GNAI1: variants seen among roughly 807,000 people sequenced by gnomAD.
GNAI1 encodes the protein G protein subunit alpha i1.
Under a neutral mutation model 38.9 loss-of-function variants are expected in GNAI1, and 11 were observed. That is an observed-to-expected ratio of 0.28 (90% CI 0.18 to 0.47). The LOEUF (loss-of-function observed/expected upper bound fraction) is 0.47. Among genes scored for constraint, GNAI1 ranks in the 20% least tolerant of loss-of-function variants. The pLI is 0.99. For missense variants in GNAI1, 317 were observed against 436.9 expected, an observed-to-expected ratio of 0.73 and a Z score of 2.45; for synonymous variants, 166 against 145.1, an observed-to-expected ratio of 1.14 and a Z score of -1.04.
chr7:80,160,013 A>G (rs573730255), intron 1 of GNAI1, among the ~76,000 whole-genome samples: 1 of 152,288 alleles, frequency 6.6e-6, no homozygotes, highest in Admixed American at 6.5e-5. Context: ...CTTATTAACT[A>G]TCAGTAAATA....
At chr7:80,214,017 T>C (rs1788917785) in intron 7 of GNAI1, among the ~76,000 whole-genome samples, 1 of 152,114 alleles carries the variant, frequency 6.6e-6, no homozygotes, top group South Asian at 2.1e-4. Context: ...ATACCGGGGC[T>C]TCCTGAAGCC....
Position 80,135,035 on chromosome 7 carries a change from T to G in GNAI1, c.-126T>G. The G allele has an allele frequency of 2.1e-6, 1 of 484,776 alleles. No homozygotes were observed. The highest frequency in any genetic ancestry group is 2.0e-5 in the African/African-American group (1 of 49,760). 30.0% of individuals were successfully genotyped at this position (484,776 alleles called of 1,614,324 possible). On this transcript the variant is annotated 5_prime_UTR_variant, in exon 1 of 8. Coordinates refer to ENST00000649796, the MANE Select transcript of GNAI1 (RefSeq NM_002069.6). ...TCCCTCGACTCCGCTTAGGAAGTGG[T>G]GGGGGCGGCGTGGCCCCCGTCGGGA...
At position 80,199,324 on chromosome 7, in the gene GNAI1, G is replaced by A. The variant is rs771688081; in HGVS notation, c.403G>A (p.Gly135Ser). ...TATAAAGAGATTGTGGAAAGATAGT[G>A]GTGTACAAGCCTGTTTCAACAGATC... ...GVIKRLWKDS[G>S]VQACFNRSRE... The change falls in exon 4 of 8, where the codon GGT (glycine) becomes AGT (serine). Residue 135 changes from glycine to serine, a missense_variant. Physicochemically the swap from Gly to Ser is moderately conservative, Grantham distance 56 (BLOSUM62 0). Coordinates refer to ENST00000649796, the MANE Select transcript of GNAI1 (RefSeq NM_002069.6). 1.2e-6 allele frequency: 2 copies of A among 1,612,692 alleles called. No individual in the cohort carries two copies. The highest frequency in any genetic ancestry group is 1.7e-6 in the Non-Finnish European group (2 of 1,179,080).
At chr7:80,171,447 T>A (rs909164508) in intron 1 of GNAI1, among the ~76,000 whole-genome samples, 2 of 152,202 alleles carry the variant, frequency 1.3e-5, no homozygotes, top group African/African-American at 2.4e-5. Flanking sequence ...AAGGCTTGTC[T>A]TTTATTGATC....
intron 1 of GNAI1, among the ~76,000 whole-genome samples, chr7:80,152,661 T>C (rs537843829): frequency 3.4e-4 from 51 of 150,334 alleles, no homozygotes; most frequent in East Asian, 1.0e-3. Context: ...TCCGGGTTCA[T>C]GCCATTCTCC....
rs2115750484 is a variant in GNAI1 at position 80,225,006 on chromosome 7, C to G, written c.*7513C>G. ...TCTATTTGCATTGCATGGAAATGTT[C>G]CCAAGTTTTAGAGAAACACATACAA... is the stretch of plus-strand genomic sequence containing the variant. On this transcript the variant is annotated 3_prime_UTR_variant, in exon 8 of 8. Transcript: ENST00000649796. 6.6e-6 allele frequency among the ~76,000 whole-genome samples: 1 copy of G among 150,954 alleles called. No homozygotes were observed. Among genetic ancestry groups the G allele is most frequent in the Non-Finnish European group, 1.5e-5 (1 of 67,722 alleles).
chr7:80,166,765 G>A (rs905483866), intron 1 of GNAI1, among the ~76,000 whole-genome samples: 3 of 152,036 alleles, frequency 2.0e-5, no homozygotes, highest in African/African-American at 7.2e-5. Context: ...TCATAGATTG[G>A]GGATGAAATG....
At chr7:80,181,874 A>AT (rs1363312824) in intron 1 of GNAI1, among the ~76,000 whole-genome samples, 13 of 152,074 alleles carry the variant, frequency 8.5e-5, no homozygotes, top group Admixed American at 8.5e-4. Flanking sequence ...CATACATACC[A>AT]TTTTTTGTGG....
At chr7:80,191,205 C>G (rs1192305108) in intron 3 of GNAI1, among the ~76,000 whole-genome samples, 4 of 152,062 alleles carry the variant, frequency 2.6e-5, no homozygotes, top group African/African-American at 7.2e-5. Context: ...TGTTACCTAT[C>G]TTTACGTAAG....
intron 1 of GNAI1, chr7:80,187,211 G>GTGTA (rs1188418623): frequency 8.1e-5 from 2 of 24,812 alleles, no homozygotes; most frequent in African/African-American, 2.6e-4. Context: ...GTGTGTCTTT[G>GTGTA]TGTGTGTGTG....
chr7:80,178,943 C>T (rs1373559619), intron 1 of GNAI1, among the ~76,000 whole-genome samples: 1 of 152,100 alleles, frequency 6.6e-6, no homozygotes, highest in Non-Finnish European at 1.5e-5. Flanking sequence ...TTGAATGATC[C>T]ACCCTTTTCT....
chr7:80,216,707 T>C (rs1200241875), intron 7 of GNAI1, among the ~76,000 whole-genome samples: 1 of 152,138 alleles, frequency 6.6e-6, no homozygotes, highest in Non-Finnish European at 1.5e-5. Flanking sequence ...TGCCAAACAA[T>C]TTCTGGAGTG....
chr7:80,220,791 C>T lies in GNAI1; in HGVS notation c.*3298C>T, dbSNP rs1789058891. Among the ~76,000 whole-genome samples the T allele has an allele frequency of 6.6e-6, 1 of 152,156 alleles. No homozygotes were observed. Among genetic ancestry groups the T allele is most frequent in the Admixed American group, 6.5e-5 (1 of 15,274 alleles). ...CCAGATGAAGGTTTTAAACCTAGAGCTTCTGACTCCATGTCTGTCAGAGGA... is the reference window on the plus strand; with the variant it reads ...CCAGATGAAGGTTTTAAACCTAGAGTTTCTGACTCCATGTCTGTCAGAGGA... On this transcript the variant is annotated 3_prime_UTR_variant, in exon 8 of 8. Transcript: ENST00000649796.
intron 1 of GNAI1, among the ~76,000 whole-genome samples, chr7:80,170,322 T>C (rs553253408): frequency 6.6e-6 from 1 of 152,308 alleles, no homozygotes; most frequent in Admixed American, 6.5e-5. Flanking sequence ...ACCTTTTTAT[T>C]ATGGCCATCC....
At position 80,199,332 on chromosome 7, in the gene GNAI1, A is replaced by G. The variant is rs1788639028; in HGVS notation, c.411A>G (p.Gln137=). 6.2e-7 allele frequency: 1 copy of G among 1,612,934 alleles called. No homozygotes were observed. Among genetic ancestry groups the G allele is most frequent in the African/African-American group, 1.3e-5 (1 of 75,034 alleles). The part of the protein sequence containing the change: ...IKRLWKDSGV[Q]ACFNRSREYQ... ...GATTGTGGAAAGATAGTGGTGTACA[A>G]GCCTGTTTCAACAGATCCCGAGAGT... is the stretch of plus-strand genomic sequence containing the variant. The change falls in exon 4 of 8, where the codon CAA becomes CAG. Residue 137 remains glutamine (Q), a synonymous_variant. Coordinates refer to ENST00000649796, the MANE Select transcript of GNAI1 (RefSeq NM_002069.6).
chr7:80,206,757 T>C (rs554164643), intron 5 of GNAI1, among the ~76,000 whole-genome samples: 1 of 152,162 alleles, frequency 6.6e-6, no homozygotes, highest in Admixed American at 6.5e-5. Flanking sequence ...CTACTGATAG[T>C]ACTGAACCCT....
In GNAI1 at chr7:80,212,762, A is replaced by G. The variant is rs1163446805; in HGVS notation, c.767A>G (p.Asn256Ser). The G allele has an allele frequency of 3.8e-6, 6 of 1,566,516 alleles. No individual in the cohort carries two copies. The highest frequency in any genetic ancestry group is 1.4e-5 in the African/African-American group (1 of 72,246). The change falls in exon 7 of 8, where the codon AAC becomes AGC. Residue 256 changes from asparagine (N) to serine (S), a missense_variant. Transcript: ENST00000649796. ...AAATTGTTTGACAGCATATGTAACA[A>G]CAAGTGGTTTACAGATACATCCATT... Reference protein sequence around the residue: ...SMKLFDSICNNKWFTDTSIIL... With the variant: ...SMKLFDSICNSKWFTDTSIIL...
At chr7:80,166,551 G>A (rs937182439) in intron 1 of GNAI1, among the ~76,000 whole-genome samples, 18 of 152,196 alleles carry the variant, frequency 1.2e-4, no homozygotes, top group Admixed American at 9.8e-4. Context: ...GAGCCTCTTA[G>A]TTCCATTTAC....
intron 1 of GNAI1, among the ~76,000 whole-genome samples, chr7:80,136,375 ACCTGTTTT>A (rs1454865134): frequency 6.6e-6 from 1 of 152,134 alleles, no homozygotes; most frequent in Non-Finnish European, 1.5e-5. Flanking sequence ...TGTTGCACAA[ACCTGTTTT>A]CAGTAAGCTT....
Sources: allele counts gnomAD v4.1 joint callset (sites outside exome capture counted in the v4.1 genomes callset), GRCh38; gene constraint gnomAD v4.1.1; transcripts MANE v1.5; gene names NCBI Gene and HGNC (gene_info 2026-07-23, HGNC 2026-07-21).